LMBRD1: variants seen among roughly 807,000 people sequenced by gnomAD.
LMBRD1 encodes the protein lysosomal cobalamin transport escort protein LMBD1.
In LMBRD1, 64 loss-of-function variants were observed where a neutral mutation model predicts 74.8. That is an observed-to-expected ratio of 0.86 (90% CI 0.70 to 1.05). LMBRD1 has a LOEUF of 1.05. Ranked by LOEUF, LMBRD1 falls within the 50% of genes least tolerant of loss-of-function variation. The pLI is 0.00. For synonymous variants in LMBRD1, 204 were observed against 216.3 expected (o/e 0.94, Z 0.50); for missense variants, 652 against 645.9 (o/e 1.01, Z -0.10).
chr6:69,740,277 T>C (rs930455158), intron 6 of LMBRD1, among the ~76,000 whole-genome samples: 3 of 152,156 alleles, frequency 2.0e-5, no homozygotes, highest in African/African-American at 7.2e-5. Context: ...TTCTAGAATA[T>C]GGTGTTTAAC....
Position 69,728,199 on chromosome 6 carries a change from T to C in LMBRD1, c.637-9118A>G, listed in dbSNP as rs556457905. 2.0e-5 allele frequency among the ~76,000 whole-genome samples: 3 copies of C among 152,164 alleles called. No individual in the cohort carries two copies. In the East Asian group the frequency reaches 5.8e-4, roughly 29 times the overall value. ...AGAGTGAAGTGGGAGGTGCTACAGATTTTTAAACACCCAGATCTCGTGAGA... is the reference window on the plus strand; with the variant it reads ...AGAGTGAAGTGGGAGGTGCTACAGACTTTTAAACACCCAGATCTCGTGAGA... On this transcript the variant is annotated intron_variant, in intron 7 of 15. Transcript: ENST00000649934.
intron 1 of LMBRD1, among the ~76,000 whole-genome samples, chr6:69,794,176 C>T (rs1211186709): frequency 2.0e-5 from 3 of 152,194 alleles, no homozygotes; most frequent in Non-Finnish European, 4.4e-5. Context: ...ACTGTGCTGA[C>T]ATTTGCACTC....
intron 3 of LMBRD1, among the ~76,000 whole-genome samples, chr6:69,775,022 G>GGAGC (rs1765668528): frequency 9.3e-6 from 1 of 107,774 alleles, no homozygotes; most frequent in Non-Finnish European, 1.9e-5. Context: ...AGGGAGGGAG[G>GGAGC]GAGGGAGGGA....
In LMBRD1 at chr6:69,790,385, A is replaced by C. The variant is rs1766053111; in HGVS notation, c.157T>G (p.Ser53Ala). ...GATGTGATAAGTGCAATTGCTAGAG[A>C]AAAAATTGCTGTTATGGTGGAGACA... Reference protein sequence around the residue: ...EVVSTITAIFSLAIALITSAL... With the variant: ...EVVSTITAIFALAIALITSAL... Residue 53 changes from serine to alanine, a missense_variant, in exon 2 of 16, where the codon TCT (serine) becomes GCT (alanine). Around this residue, in one of 3 missense-constraint regions of LMBRD1, gnomAD observed 598 missense variants for 581.8 expected, o/e 1.03. Coordinates refer to ENST00000649934, the MANE Select transcript of LMBRD1 (RefSeq NM_018368.4). The C allele has an allele frequency of 1.2e-6, 2 of 1,613,782 alleles. No homozygotes were observed. Among genetic ancestry groups the C allele is most frequent in the Non-Finnish European group, 1.7e-6 (2 of 1,179,738 alleles).
chr6:69,716,880 T>G (rs770986812), intron 8 of LMBRD1, among the ~76,000 whole-genome samples: 1 of 150,268 alleles, frequency 6.7e-6, no homozygotes, highest in African/African-American at 2.5e-5. Flanking sequence ...AAATAAATAT[T>G]TAATTATTAA....
chr6:69,706,020 G>T, intron 9 of LMBRD1: 1 of 768,058 alleles, frequency 1.3e-6, no homozygotes, highest in South Asian at 1.3e-5. Context: ...CCCCTAAACT[G>T]ACCGTTCTTA....
rs539592126 is a variant in LMBRD1 at position 69,752,498 on chromosome 6, C to G, written c.308-142G>C. ...TTCTCATAACTCTTTCTATATAGTACATGATGCCCAAATAGCCTTTTCTGT... is the reference window on the plus strand; with the variant it reads ...TTCTCATAACTCTTTCTATATAGTAGATGATGCCCAAATAGCCTTTTCTGT... On this transcript the variant is annotated intron_variant, in intron 3 of 15. Coordinates refer to ENST00000649934, the MANE Select transcript of LMBRD1 (RefSeq NM_018368.4). 1.8e-5 allele frequency: 12 copies of G among 651,784 alleles called. No individual in the cohort carries two copies. The African/African-American group carries it at 2.2e-4, about 12-fold the overall frequency. The allele number at this position is 651,784 out of a possible 1,614,324, so 40.4% of individuals were successfully genotyped here.
chr6:69,724,605 T>C (rs774787811), intron 7 of LMBRD1, among the ~76,000 whole-genome samples: 1 of 150,482 alleles, frequency 6.6e-6, no homozygotes, highest in Non-Finnish European at 1.5e-5. Context: ...ATCAAGAGAA[T>C]GAAGGATGAA....
chr6:69,720,587 TA>T, intron 7 of LMBRD1, among the ~76,000 whole-genome samples: 1 of 152,304 alleles, frequency 6.6e-6, no homozygotes, highest in Middle Eastern at 3.4e-3. Flanking sequence ...ATATTTGGTA[TA>T]TTTTTTGGAC....
At chr6:69,784,842 C>A (rs971915531) in intron 2 of LMBRD1, among the ~76,000 whole-genome samples, 4 of 152,190 alleles carry the variant, frequency 2.6e-5, no homozygotes, top group African/African-American at 7.2e-5. Context: ...TCAAAAATTT[C>A]TCTCACTGTA....
chr6:69,701,646 G>A, intron 10 of LMBRD1, 101 bp from the exon 11 acceptor site: 1 of 737,562 alleles, frequency 1.4e-6, no homozygotes, highest in Non-Finnish European at 2.3e-6. Flanking sequence ...CTGAGTCAAA[G>A]AAAACAATGG....
At chr6:69,681,238 A>G (rs1765654308) in intron 14 of LMBRD1, among the ~76,000 whole-genome samples, 1 of 152,062 alleles carries the variant, frequency 6.6e-6, no homozygotes, top group African/African-American at 2.4e-5. Context: ...CATCTGAAGC[A>G]TATGAATAAA....
At chr6:69,771,152 A>G (rs750730310) in intron 3 of LMBRD1, among the ~76,000 whole-genome samples, 1 of 152,216 alleles carries the variant, frequency 6.6e-6, no homozygotes, top group Non-Finnish European at 1.5e-5. Flanking sequence ...ATATGAGCAC[A>G]GTTTAGCTGG....
intron 3 of LMBRD1, among the ~76,000 whole-genome samples, chr6:69,764,295 G>T (rs956649277): frequency 1.3e-5 from 2 of 151,924 alleles, no homozygotes; most frequent in African/African-American, 4.8e-5. Flanking sequence ...TATAAGAAGA[G>T]AAAGAGACCA....
In LMBRD1 at chr6:69,795,253, T is replaced by G. The variant is rs570259063; in HGVS notation, c.69+1560A>C. Among the ~76,000 whole-genome samples, 286 of 152,364 alleles carry G rather than the reference T, an allele frequency of 1.9e-3. 2 individuals carry two copies. Among genetic ancestry groups the G allele is most frequent in the African/African-American group, 6.4e-3 (267 of 41,582 alleles). ...ATTCAATTCTGATTTTATTTGTCCTTGCTGTAATATTGCCAACTTAAATGG... is the reference window on the plus strand; with the variant it reads ...ATTCAATTCTGATTTTATTTGTCCTGGCTGTAATATTGCCAACTTAAATGG... On this transcript the variant is annotated intron_variant, in intron 1 of 15. Coordinates refer to ENST00000649934, the MANE Select transcript of LMBRD1 (RefSeq NM_018368.4).
At position 69,770,357 on chromosome 6, in the gene LMBRD1, A is replaced by C. The variant is rs185700282; in HGVS notation, c.307+10137T>G. ...GCCCTAGGCTAAAATACAAGAAACT[A>C]CCACTGTCCCTTAGCAGTTTTTAAG... On this transcript the variant is annotated intron_variant, in intron 3 of 15. Transcript: ENST00000649934. Among the ~76,000 whole-genome samples the C allele has an allele frequency of 6.2e-4, 94 of 152,234 alleles. 2 individuals are homozygous for C. The highest frequency in any genetic ancestry group is 5.8e-3 in the Admixed American group (89 of 15,290).
rs1427617553 is a variant in LMBRD1 at position 69,694,721 on chromosome 6, CA to C, written c.1417+2841del. 2.0e-5 allele frequency among the ~76,000 whole-genome samples: 3 copies of C among 152,132 alleles called. No individual in the cohort carries two copies. In the East Asian group the frequency reaches 5.8e-4, roughly 29 times the overall value. On this transcript the variant is annotated intron_variant, in intron 14 of 15. Transcript: ENST00000649934. ...AATCCCCAATTCTCCTTCAGTTCTTCAATCCATTCCTTCCCCCAAACAACCT... is the reference window on the plus strand; with the variant it reads ...AATCCCCAATTCTCCTTCAGTTCTTCATCCATTCCTTCCCCCAAACAACCT...
Position 69,701,286 on chromosome 6 carries a change from AAAAAGT to A in LMBRD1, c.1083+151_1083+156del, listed in dbSNP as rs1766124204. Among the ~76,000 whole-genome samples the A allele has an allele frequency of 2.6e-5, 4 of 151,984 alleles. No homozygotes were observed. In the South Asian group the frequency reaches 6.2e-4, roughly 24 times the overall value. On this transcript the variant is annotated intron_variant, in intron 11 of 15. Coordinates refer to ENST00000649934, the MANE Select transcript of LMBRD1 (RefSeq NM_018368.4). ...GTCAGTGTGTAAATTACAGGCAAAT[AAAAAGT>A]AAAACTAGAAAATAATATAAGCATA...
chr6:69,790,757 A>T (rs1285045506), intron 1 of LMBRD1: 2 of 411,066 alleles, frequency 4.9e-6, no homozygotes, highest in African/African-American at 4.1e-5. Context: ...ATGGTTTCAC[A>T]CATCACAGTT....
Sources: allele counts gnomAD v4.1 joint callset (sites outside exome capture counted in the v4.1 genomes callset), GRCh38; gene constraint gnomAD v4.1.1; regional missense constraint gnomAD v4.1.1; transcripts MANE v1.5; gene names NCBI Gene and HGNC (gene_info 2026-07-23, HGNC 2026-07-21).